The following ZNF609 variants were observed in gnomAD, a reference collection of about 807,000 sequenced individuals.
ZNF609 encodes zinc finger protein 609.
Under a neutral mutation model 109.5 loss-of-function variants are expected in ZNF609, and 11 were observed. The ratio of observed to expected loss-of-function variants is 0.10; its 90% CI spans 0.06 to 0.17. The LOEUF (loss-of-function observed/expected upper bound fraction) is 0.17. Among genes scored for constraint, ZNF609 ranks in the 10% least tolerant of loss-of-function variants. The pLI is 1.00. For missense variants in ZNF609, 1,559 were observed against 1,772.4 expected, an observed-to-expected ratio of 0.88 and a Z score of 2.16; for synonymous variants, 646 against 662.0, an observed-to-expected ratio of 0.98 and a Z score of 0.37.
At chr15:64,477,344 G>A (rs1419387910) in intron 1 of ZNF609, among the ~76,000 whole-genome samples, 1 of 151,756 alleles carries the variant, frequency 6.6e-6, no homozygotes, top group East Asian at 1.9e-4. Context: ...GTTTCACCGT[G>A]TTAGCCAGGA....
intron 2 of ZNF609, among the ~76,000 whole-genome samples, chr15:64,583,124 C>T (rs927514544): frequency 6.6e-6 from 1 of 151,340 alleles, no homozygotes; most frequent in Non-Finnish European, 1.5e-5. Context: ...ACCTCTGCCT[C>T]CCGGGTTCAA....
rs779894117 is a variant in ZNF609, at chr15:64,670,342, C to G, written c.974-4C>G. 1.9e-6 allele frequency: 3 copies of G among 1,613,202 alleles called. No homozygotes were observed. The highest frequency in any genetic ancestry group is 2.5e-6 in the Non-Finnish European group (3 of 1,179,232). Reference sequence around the variant, plus strand: ...GTCTATATCTATGTGCTCTTATTTTCCAGGGATGTTGGTGGTAAATGTAAC... The same window carrying G: ...GTCTATATCTATGTGCTCTTATTTTGCAGGGATGTTGGTGGTAAATGTAAC... On this transcript the variant is annotated splice_region_variant and splice_polypyrimidine_tract_variant and intron_variant, in intron 3 of 9. Transcript: ENST00000326648.
At chr15:64,602,722 T>C (rs1184253277) in intron 2 of ZNF609, among the ~76,000 whole-genome samples, 46 of 117,434 alleles carry the variant, frequency 3.9e-4, no homozygotes, top group Non-Finnish European at 3.2e-4. Context: ...CTTTCTTTTT[T>C]TTTTTTTTTT....
At chr15:64,651,700 C>T (rs1462569500) in intron 3 of ZNF609, among the ~76,000 whole-genome samples, 1 of 152,142 alleles carries the variant, frequency 6.6e-6, no homozygotes, top group Non-Finnish European at 1.5e-5. Context: ...GAGGACTATA[C>T]AAAGAGAAAG....
chr15:64,519,050 T>C (rs954530229), intron 2 of ZNF609, among the ~76,000 whole-genome samples: 1 of 132,068 alleles, frequency 7.6e-6, no homozygotes, highest in Non-Finnish European at 1.5e-5. Flanking sequence ...ATTAAAATTA[T>C]AAAAGTGAAA....
At chr15:64,493,862 T>A (rs1893447972) in intron 1 of ZNF609, among the ~76,000 whole-genome samples, 1 of 152,224 alleles carries the variant, frequency 6.6e-6, no homozygotes, top group African/African-American at 2.4e-5. Flanking sequence ...TAAACATCTC[T>A]GCAATGACCT....
At chr15:64,644,987 T>TTCTTTCTTTC in intron 3 of ZNF609, among the ~76,000 whole-genome samples, 2 of 148,070 alleles carry the variant, frequency 1.4e-5, no homozygotes, top group African/African-American at 5.0e-5. Flanking sequence ...TTCTTTTTCT[T>TTCTTTCTTTC]TCTTTCTTTC....
At chr15:64,506,889 C>G (rs1049080504) in intron 2 of ZNF609, among the ~76,000 whole-genome samples, 3 of 152,286 alleles carry the variant, frequency 2.0e-5, no homozygotes, top group Non-Finnish European at 4.4e-5. Context: ...AATACAACAA[C>G]ATTCCACTTT....
Position 64,681,381 on chromosome 15 carries a change from G to A in ZNF609, c.4235G>A (p.Ter1412=), listed in dbSNP as rs1476580628. 6.2e-7 allele frequency: 1 copy of A among 1,613,542 alleles called. No individual in the cohort carries two copies. The highest frequency in any genetic ancestry group is 1.3e-5 in the African/African-American group (1 of 74,880). ...TPSLYPPPRR[*] Reference sequence around the variant, plus strand: ...TCACTCTACCCACCCCCCAGGAGGTGAGAATGGTAAGTCACTTTTATTAAT... The same window carrying A: ...TCACTCTACCCACCCCCCAGGAGGTAAGAATGGTAAGTCACTTTTATTAAT... Residue 1412 remains the stop codon, a stop_retained_variant, in exon 9 of 10, where the codon TGA becomes TAA. Transcript: ENST00000326648.
intron 2 of ZNF609, among the ~76,000 whole-genome samples, chr15:64,504,216 A>G (rs1002613924): frequency 2.0e-5 from 3 of 152,224 alleles, no homozygotes; most frequent in Admixed American, 2.0e-4. Flanking sequence ...TTTTTCATTC[A>G]GAAACTCTGT....
rs112765621 is a variant in ZNF609, at chr15:64,624,052, A to G, written c.973+1000A>G. Among the ~76,000 whole-genome samples the G allele has an allele frequency of 9.8e-3, 1,489 of 152,258 alleles. 24 individuals are homozygous for G. The highest frequency in any genetic ancestry group is 0.034 in the African/African-American group (1,405 of 41,548). On this transcript the variant is annotated intron_variant, in intron 3 of 9. Transcript: ENST00000326648. ...ATTTCATTCTGGTCATTCTAATAAA[A>G]TCTGTTCCCCTGAATATTTTGTTGT...
Position 64,680,746 on chromosome 15 carries a change from G to C in ZNF609, c.4046G>C (p.Arg1349Pro). The change falls in exon 8 of 10, where the codon CGG becomes CCG. Residue 1349 changes from arginine (R) to proline (P), a missense_variant. Physicochemically the swap from Arg to Pro is moderately radical, Grantham distance 103. Around this residue, in one of 4 missense-constraint regions of ZNF609, gnomAD observed 1,204 missense variants for 1,314.1 expected, o/e 0.92. Transcript: ENST00000326648. ...GTCGGGGGAGCAAGTGGGGGTGAAC[G>C]GAGTGTTGACCGGCCCCGCACCTCT... The part of the protein sequence containing the change: ...SSVGGASGGE[R>P]SVDRPRTSPS... 1 of 1,613,574 alleles carries C rather than the reference G, an allele frequency of 6.2e-7. No individual in the cohort carries two copies. The highest frequency in any genetic ancestry group is 8.5e-7 in the Non-Finnish European group (1 of 1,179,974).
chr15:64,557,839 G>C (rs538362491), intron 2 of ZNF609, among the ~76,000 whole-genome samples: 235 of 152,214 alleles, frequency 1.5e-3, no homozygotes, highest in Middle Eastern at 0.01. Context: ...TGGGACTACA[G>C]GCGCCCACCA....
In ZNF609 at chr15:64,640,686, A is replaced by G. The variant is rs115438440; in HGVS notation, c.973+17634A>G. Among the ~76,000 whole-genome samples the G allele has an allele frequency of 6.8e-3, 1,031 of 152,260 alleles. 15 individuals are homozygous for G. Among genetic ancestry groups the G allele is most frequent in the African/African-American group, 0.023 (952 of 41,556 alleles). On this transcript the variant is annotated intron_variant, in intron 3 of 9. Transcript: ENST00000326648. ...TTCAAAGCTGTTCCATTGAGATGAT[A>G]CCATCTTTCTTATTCCTAGTGGTTT...
At chr15:64,496,698 G>T (rs1035526644) in intron 1 of ZNF609, among the ~76,000 whole-genome samples, 1 of 152,144 alleles carries the variant, frequency 6.6e-6, no homozygotes, top group Non-Finnish European at 1.5e-5. Context: ...AAATGAATAG[G>T]TATCTACTAT....
At chr15:64,460,559 G>C (rs1318287846), upstream of ZNF609, among the ~76,000 whole-genome samples, 4 of 152,088 alleles carry the variant, frequency 2.6e-5, no homozygotes, top group African/African-American at 4.8e-5. Flanking sequence ...TCCAGTGTCC[G>C]CGTCTTCCGG....
At position 64,563,824 on chromosome 15, in the gene ZNF609, T is replaced by TAA. The variant is rs541775852; in HGVS notation, c.748-59002_748-59001dup. On this transcript the variant is annotated intron_variant, in intron 2 of 9. Transcript: ENST00000326648. ...CAAAACAAAAAAACCCATATATATA[T>TAA]AATATATATGTAATCCCTCCCAAAG... 7.7e-4 allele frequency among the ~76,000 whole-genome samples: 117 copies of TAA among 152,016 alleles called. 1 individual carries two copies. Among genetic ancestry groups the TAA allele is most frequent in the African/African-American group, 2.6e-3 (106 of 41,496 alleles).
At chr15:64,471,661 G>A (rs868561490) in intron 1 of ZNF609, among the ~76,000 whole-genome samples, 2 of 152,084 alleles carry the variant, frequency 1.3e-5, no homozygotes, top group African/African-American at 2.4e-5. Flanking sequence ...TTGGCTCACC[G>A]CAACTTCCGC....
chr15:64,532,532 T>C (rs1894077054), intron 2 of ZNF609, among the ~76,000 whole-genome samples: 1 of 152,240 alleles, frequency 6.6e-6, no homozygotes, highest in South Asian at 2.1e-4. Context: ...GACTGATTTA[T>C]GAAATGCTGG....
Sources: gnomAD v4.1 joint callset for allele counts (sites outside exome capture counted in the v4.1 genomes callset) on GRCh38, gnomAD v4.1.1 for gene constraint, gnomAD v4.1.1 regional missense constraint, MANE v1.5 for transcripts, NCBI Gene and HGNC (gene_info 2026-07-23, HGNC 2026-07-21) for gene names.